Variants in ALB observed in about 807,000 individuals in gnomAD.
ALB encodes the protein serum albumin.
Under a neutral mutation model 74.5 loss-of-function variants are expected in ALB, and 37 were observed. The ratio of observed to expected loss-of-function variants is 0.50; its 90% CI spans 0.38 to 0.65. The LOEUF is 0.65. Ranked by LOEUF, ALB falls within the 30% of genes least tolerant of loss-of-function variation. The pLI is 0.00. For missense variants in ALB, 685 were observed against 718.7 expected (o/e 0.95, Z 0.54); for synonymous variants, 249 against 251.6 (o/e 0.99, Z 0.10).
At chr4:73,404,994 G>T in intron 1 of ALB, 122 bp from the exon 2 acceptor site, 1 of 886,198 alleles carries the variant, frequency 1.1e-6, no homozygotes, top group Non-Finnish European at 1.8e-6. Flanking sequence ...GTAGGAATCA[G>T]AGCCCAATAT....
intron 8 of ALB, among the ~76,000 whole-genome samples, chr4:73,414,772 T>C (rs1718972208): frequency 6.6e-6 from 1 of 152,130 alleles, no homozygotes. Context: ...ACTATTATTA[T>C]TTCCATTCTA....
chr4:73,420,758 C>A, intron 14 of ALB: 1 of 301,056 alleles, frequency 3.3e-6, no homozygotes, highest in Non-Finnish European at 6.1e-6. Context: ...TCACATGGTT[C>A]AACCTAATAG....
chr4:73,414,533 G>A (rs769955772), intron 8 of ALB, among the ~76,000 whole-genome samples: 7 of 151,996 alleles, frequency 4.6e-5, no homozygotes, highest in Middle Eastern at 3.2e-3. Flanking sequence ...GTGCCATCTC[G>A]GCTCACCACA....
chr4:73,420,327 T>C lies in ALB; in HGVS notation c.*23+6T>C, dbSNP rs769054383. ...CACATTTAAAAGCATCTCAGGTAAC[T>C]ATATTTTGAATTTTTTAAAAAAGTA... On this transcript the variant is annotated splice_donor_region_variant and intron_variant, in intron 14 of 14. Coordinates refer to ENST00000295897, the MANE Select transcript of ALB (RefSeq NM_000477.7). 5 of 1,586,390 alleles carry C rather than the reference T, an allele frequency of 3.2e-6. No individual in the cohort carries two copies. Among genetic ancestry groups the C allele is most frequent in the South Asian group, 1.1e-5 (1 of 89,166 alleles).
At chr4:73,408,838 A>C in intron 4 of ALB, 33 bp downstream of exon 4, 2 of 1,576,696 alleles carry the variant, frequency 1.3e-6, no homozygotes, top group African/African-American at 1.4e-5. Context: ...TTCAAAATTA[A>C]AAAGCATGGA....
At chr4:73,415,936 C>T (rs1719000626) in intron 9 of ALB, among the ~76,000 whole-genome samples, 2 of 152,300 alleles carry the variant, frequency 1.3e-5, no homozygotes, top group African/African-American at 4.8e-5. Flanking sequence ...TGAGTGCCAT[C>T]TTTGCCCCTA....
intron 4 of ALB, chr4:73,409,090 TTATAA>T: frequency 5.2e-6 from 3 of 580,782 alleles, no homozygotes; most frequent in Non-Finnish European, 9.1e-6. Flanking sequence ...TATATGGTTG[TTATAA>T]TTGATTTCGT....
intron 4 of ALB, 63 bp downstream of exon 4, chr4:73,408,868 C>T: frequency 7.4e-7 from 1 of 1,346,962 alleles, no homozygotes; most frequent in Non-Finnish European, 1.0e-6. Context: ...TAGGCCAACA[C>T]TCTATAAAAA....
At chr4:73,413,697 C>T (rs1718938637) in intron 8 of ALB, 63 bp downstream of exon 8, 2 of 1,506,394 alleles carry the variant, frequency 1.3e-6, no homozygotes, top group South Asian at 2.3e-5. Context: ...AGGAGGATAG[C>T]CTAGGCTTTT....
At chr4:73,407,027 A>G (rs1201545099) in intron 3 of ALB, among the ~76,000 whole-genome samples, 1 of 152,004 alleles carries the variant, frequency 6.6e-6, no homozygotes, top group Non-Finnish European at 1.5e-5. Flanking sequence ...ATTTATAAAC[A>G]CCTCTTTTTA....
At chr4:73,413,752 A>T in intron 8 of ALB, 118 bp downstream of exon 8, 2 of 978,408 alleles carry the variant, frequency 2.0e-6, no homozygotes, top group South Asian at 2.8e-5. Context: ...ATGTTTCTTC[A>T]TCCTTCCCTT....
chr4:73,412,998 G>A (rs374780960), intron 7 of ALB, among the ~76,000 whole-genome samples: 8 of 151,996 alleles, frequency 5.3e-5, no homozygotes, highest in African/African-American at 1.4e-4. Flanking sequence ...AATTTAAGGC[G>A]GTTATTTTAT....
chr4:73,418,357 A>G (rs2149329725), intron 12 of ALB, 46 bp downstream of exon 12: 2 of 1,544,776 alleles, frequency 1.3e-6, no homozygotes, highest in South Asian at 2.3e-5. Context: ...CTTGATAGCA[A>G]GAACTGTCAA....
intron 14 of ALB, 175 bp from the exon 15 acceptor site, chr4:73,420,917 C>A: frequency 2.0e-6 from 1 of 502,494 alleles, no homozygotes; most frequent in Non-Finnish European, 3.5e-6. Flanking sequence ...GGTGTGTCCC[C>A]TTGCCTAGCC....
intron 4 of ALB, 83 bp downstream of exon 4, chr4:73,408,888 C>A: frequency 2.5e-6 from 3 of 1,211,742 alleles, no homozygotes; most frequent in East Asian, 2.6e-5. Flanking sequence ...ATTACCATAA[C>A]AAAAATATTT....
rs55764359 is a variant in ALB, at chr4:73,409,147, GCACACACACA to G, written c.483-192_483-183del. On this transcript the variant is annotated intron_variant, in intron 4 of 14. Transcript: ENST00000295897. Reference sequence around the variant, plus strand: ...ATATTGCCAAAATTTAACCATTTATGCACACACACACACACACACACACACTTAACCCTTT... The same window carrying G: ...ATATTGCCAAAATTTAACCATTTATGCACACACACACACACTTAACCCTTT... The G allele has an allele frequency of 2.9e-5, 16 of 560,502 alleles. No homozygotes were observed. In the Admixed American group the frequency reaches 3.6e-4, roughly 13 times the overall value. 34.7% of individuals were successfully genotyped at this position (560,502 alleles called of 1,614,324 possible).
In ALB at chr4:73,418,276, A is replaced by C. The variant is rs1178988315; in HGVS notation, c.1617A>C (p.Thr539=). Residue 539 remains threonine, a synonymous_variant, in exon 12 of 15, where the codon ACA becomes ACC. Transcript: ENST00000295897. ...ETFTFHADIC[T]LSEKERQIKK... ...TCACCTTCCATGCAGATATATGCAC[A>C]CTTTCTGAGAAGGAGAGACAAATCA... 6 of 1,613,916 alleles carry C rather than the reference A, an allele frequency of 3.7e-6. No individual in the cohort carries two copies. The highest frequency in any genetic ancestry group is 4.2e-6 in the Non-Finnish European group (5 of 1,179,964).
intron 1 of ALB, 128 bp from the exon 2 acceptor site, chr4:73,404,988 G>A (rs969037382): frequency 6.1e-6 from 5 of 820,756 alleles, no homozygotes; most frequent in Non-Finnish European, 1.0e-5. Flanking sequence ...TTTTCTGTAG[G>A]AATCAGAGCC....
intron 8 of ALB, among the ~76,000 whole-genome samples, chr4:73,414,816 T>C (rs1718972890): frequency 6.6e-6 from 1 of 152,192 alleles, no homozygotes; most frequent in South Asian, 2.1e-4. Flanking sequence ...ATCATTTAAA[T>C]AAGTTGCCTA....
Sources: allele counts gnomAD v4.1 joint callset (sites outside exome capture counted in the v4.1 genomes callset), GRCh38; gene constraint gnomAD v4.1.1; transcripts MANE v1.5; gene names NCBI Gene and HGNC (gene_info 2026-07-23, HGNC 2026-07-21).